Variants in NUDCD3 observed in about 807,000 individuals in gnomAD.
NUDCD3 encodes the protein nudC domain-containing protein 3.
In NUDCD3, 13 loss-of-function variants were observed where a neutral mutation model predicts 39.7. The observed-to-expected ratio is 0.33, with a 90% CI of 0.21 to 0.52. The LOEUF (loss-of-function observed/expected upper bound fraction) is 0.52. Among genes scored for constraint, NUDCD3 ranks in the 20% least tolerant of loss-of-function variants. The pLI, the probability that NUDCD3 is intolerant of heterozygous loss-of-function variation, is 0.96. For missense variants in NUDCD3, 453 were observed against 458.1 expected (o/e 0.99, Z 0.10); for synonymous variants, 175 against 172.4 (o/e 1.02, Z -0.12).
rs543084367 is a variant in NUDCD3 at position 44,462,372 on chromosome 7, T to C, written c.509+22596A>G. Reference sequence around the variant, plus strand: ...CAAATGTAACCATAATGTGTGCCACTAGCATCTCAACCACATAATTACCCA... The same window carrying C: ...CAAATGTAACCATAATGTGTGCCACCAGCATCTCAACCACATAATTACCCA... On this transcript the variant is annotated intron_variant, in intron 2 of 5. Coordinates refer to ENST00000355451, the MANE Select transcript of NUDCD3 (RefSeq NM_015332.4). Among the ~76,000 whole-genome samples the C allele has an allele frequency of 3.3e-5, 5 of 152,298 alleles. No homozygotes were observed. The South Asian group carries it at 1.0e-3, about 32-fold the overall frequency.
At chr7:44,433,438 T>C (rs1000430573) in intron 2 of NUDCD3, among the ~76,000 whole-genome samples, 2 of 152,030 alleles carry the variant, frequency 1.3e-5, no homozygotes, top group Non-Finnish European at 2.9e-5. Context: ...ATGTACTGTG[T>C]GTGCAGTTTG....
chr7:44,418,430 AC>A (rs1799071157), intron 3 of NUDCD3, among the ~76,000 whole-genome samples: 1 of 152,234 alleles, frequency 6.6e-6, no homozygotes, highest in South Asian at 2.1e-4. Context: ...AAGCAGACAC[AC>A]CTGACTCAAA....
intron 3 of NUDCD3, among the ~76,000 whole-genome samples, chr7:44,412,695 A>AG (rs1357315828): frequency 6.6e-6 from 1 of 152,078 alleles, no homozygotes; most frequent in African/African-American, 2.4e-5. Context: ...TGGGAGGCCG[A>AG]GGCAGGTGGA....
At position 44,379,271 on chromosome 7, in the gene NUDCD3, A is replaced by AG. The variant is rs1798269260; in HGVS notation, c.*6739dup. 6.6e-6 allele frequency: 1 copy of AG among 151,682 alleles called. No individual in the cohort carries two copies. Among genetic ancestry groups the AG allele is most frequent in the Admixed American group, 6.6e-5 (1 of 15,218 alleles). The allele number at this position is 151,682 out of a possible 1,614,324, so 9.4% of individuals were successfully genotyped here. A position where few individuals can be genotyped will look rare whatever the true frequency, so the allele number is the denominator to read the frequency against. On this transcript the variant is annotated 3_prime_UTR_variant, in exon 6 of 6. Coordinates refer to ENST00000355451, the MANE Select transcript of NUDCD3 (RefSeq NM_015332.4). ...GGTTTGAGTCCAGTCTGGGCAACAC[A>AG]GGAAAAACTCTGTCTCAAAAAAAAA...
chr7:44,462,708 C>T (rs917061275), intron 2 of NUDCD3, among the ~76,000 whole-genome samples: 3 of 152,194 alleles, frequency 2.0e-5, no homozygotes, highest in Admixed American at 2.0e-4. Context: ...TCACACATCC[C>T]ATTAGACATG....
At chr7:44,475,334 T>C (rs1489955060) in intron 2 of NUDCD3, among the ~76,000 whole-genome samples, 2 of 152,014 alleles carry the variant, frequency 1.3e-5, no homozygotes, top group South Asian at 4.1e-4. Flanking sequence ...CTGGTCTACA[T>C]CACAAATTCA....
intron 5 of NUDCD3, among the ~76,000 whole-genome samples, chr7:44,390,526 T>C (rs990561936): frequency 1.5e-5 from 2 of 136,834 alleles, no homozygotes; most frequent in Non-Finnish European, 3.4e-5. Context: ...CTGACCTTAG[T>C]CCCTCCATCC....
chr7:44,409,353 C>T (rs1798881191), intron 3 of NUDCD3, among the ~76,000 whole-genome samples: 1 of 152,138 alleles, frequency 6.6e-6, no homozygotes. Flanking sequence ...AAGGAAATCG[C>T]CATCTAATAA....
Position 44,482,045 on chromosome 7 carries a change from A to G in NUDCD3, c.509+2923T>C, listed in dbSNP as rs1000670256. 2.0e-5 allele frequency among the ~76,000 whole-genome samples: 3 copies of G among 152,212 alleles called. 1 individual carries two copies. Among genetic ancestry groups the G allele is most frequent in the South Asian group, 4.1e-4 (2 of 4,822 alleles). Reference sequence around the variant, plus strand: ...GTCTATAAGCCACCCAGGCTATATTATTTTGTTATAGCAGCCTAAGTGGAC... The same window carrying G: ...GTCTATAAGCCACCCAGGCTATATTGTTTTGTTATAGCAGCCTAAGTGGAC... On this transcript the variant is annotated intron_variant, in intron 2 of 5. Coordinates refer to ENST00000355451, the MANE Select transcript of NUDCD3 (RefSeq NM_015332.4).
intron 2 of NUDCD3, among the ~76,000 whole-genome samples, chr7:44,462,269 C>T (rs1415060104): frequency 6.6e-6 from 1 of 152,146 alleles, no homozygotes; most frequent in Non-Finnish European, 1.5e-5. Context: ...GTACATTTTG[C>T]TTACAAACAA....
intron 2 of NUDCD3, chr7:44,468,349 C>CAAAAAAAAAAAAAAA (rs77181470): frequency 1.7e-4 from 66 of 380,882 alleles, no homozygotes; most frequent in African/African-American, 6.1e-4. Flanking sequence ...GTAAAAACTG[C>CAAAAAAAAAAAAAAA]AAAAAAAAAA....
intron 2 of NUDCD3, among the ~76,000 whole-genome samples, chr7:44,462,864 T>C (rs184297970): frequency 6.6e-6 from 1 of 152,282 alleles, no homozygotes; most frequent in Admixed American, 6.5e-5. Context: ...TTTACTAAAA[T>C]GTAATTGCCT....
intron 2 of NUDCD3, among the ~76,000 whole-genome samples, chr7:44,449,754 T>TA (rs967132392): frequency 6.6e-6 from 1 of 151,412 alleles, no homozygotes; most frequent in Non-Finnish European, 1.5e-5. Context: ...ATATAAAACC[T>TA]AAAACTATAT....
intron 2 of NUDCD3, among the ~76,000 whole-genome samples, chr7:44,430,263 A>T (rs1235727154): frequency 6.6e-6 from 1 of 152,236 alleles, no homozygotes; most frequent in Non-Finnish European, 1.5e-5. Context: ...CCACGGCAGC[A>T]GCACTAGCCT....
intron 2 of NUDCD3, among the ~76,000 whole-genome samples, chr7:44,474,475 A>G (rs555224405): frequency 6.6e-6 from 1 of 152,168 alleles, no homozygotes; most frequent in Non-Finnish European, 1.5e-5. Flanking sequence ...TGTAAAAAGG[A>G]AGCAGATCAC....
intron 3 of NUDCD3, among the ~76,000 whole-genome samples, chr7:44,420,568 A>G (rs1799118339): frequency 6.6e-6 from 1 of 152,234 alleles, no homozygotes; most frequent in Admixed American, 6.5e-5. Context: ...CAAGGTTGAA[A>G]CGAAGGAAAA....
chr7:44,422,430 C>T (rs1215339163), intron 3 of NUDCD3, among the ~76,000 whole-genome samples: 3 of 151,754 alleles, frequency 2.0e-5, no homozygotes, highest in Non-Finnish European at 4.4e-5. Flanking sequence ...ATCAAATATA[C>T]ACAATAAAAA....
In NUDCD3 at chr7:44,449,955, A is replaced by G. The variant is rs1799763320; in HGVS notation, c.510-22252T>C. Among the ~76,000 whole-genome samples the G allele has an allele frequency of 4.6e-5, 7 of 152,244 alleles. No individual in the cohort carries two copies. In the South Asian group the frequency reaches 1.4e-3, roughly 32 times the overall value. The stretch of plus-strand genomic sequence containing the variant: ...AAATGAAGACAATCCAAAGACTGGG[A>G]GAAAATATTTGCAAATTATATATCT... On this transcript the variant is annotated intron_variant, in intron 2 of 5. Transcript: ENST00000355451.
intron 3 of NUDCD3, among the ~76,000 whole-genome samples, chr7:44,409,323 T>A (rs1393208523): frequency 6.6e-6 from 1 of 152,080 alleles, no homozygotes; most frequent in Non-Finnish European, 1.5e-5. Context: ...AAAACAGGTG[T>A]TTACTGATCC....
Sources: gnomAD v4.1 joint callset for allele counts (sites outside exome capture counted in the v4.1 genomes callset) on GRCh38, gnomAD v4.1.1 for gene constraint, MANE v1.5 for transcripts, NCBI Gene and HGNC (gene_info 2026-07-23, HGNC 2026-07-21) for gene names.